The following PDCD11 variants were observed in gnomAD, a reference collection of about 807,000 sequenced individuals.
PDCD11 encodes protein RRP5 homolog.
Under a neutral mutation model 198.9 loss-of-function variants are expected in PDCD11, and 97 were observed. That is an observed-to-expected ratio of 0.49 (90% CI 0.41 to 0.58). The LOEUF (loss-of-function observed/expected upper bound fraction) is 0.58. Ranked by LOEUF, PDCD11 falls within the 20% of genes least tolerant of loss-of-function variation. The pLI is 0.00. For synonymous variants in PDCD11, 893 were observed against 918.0 expected, an observed-to-expected ratio of 0.97 and a Z score of 0.49; for missense variants, 2,102 against 2,312.7, an observed-to-expected ratio of 0.91 and a Z score of 1.87.
chr10:103,397,573 C>G (rs547007442), intron 1 of PDCD11, among the ~76,000 whole-genome samples: 1 of 152,320 alleles, frequency 6.6e-6, no homozygotes, highest in South Asian at 2.1e-4. Context: ...GTAGCTGGGA[C>G]TAGGCGCAGG....
At chr10:103,398,897 C>A (rs1344008662) in intron 2 of PDCD11, among the ~76,000 whole-genome samples, 3 of 152,134 alleles carry the variant, frequency 2.0e-5, no homozygotes, top group African/African-American at 7.2e-5. Context: ...ACCTGTAGTC[C>A]TAGCTACTTG....
intron 7 of PDCD11, 100 bp downstream of exon 7, chr10:103,406,890 C>G: frequency 1.1e-6 from 1 of 923,418 alleles, no homozygotes; most frequent in Non-Finnish European, 1.6e-6. Context: ...AAGGTAGTCA[C>G]TAGTCACTTA....
At chr10:103,431,999 G>A (rs1022556137) in intron 21 of PDCD11, 130 bp from the exon 22 acceptor site, 15 of 539,536 alleles carry the variant, frequency 2.8e-5, no homozygotes, top group Middle Eastern at 4.1e-4. Flanking sequence ...GGAGAGAAAC[G>A]GCCTTGGAGG....
At chr10:103,406,142 T>C (rs1443516334) in intron 6 of PDCD11, 34 bp downstream of exon 6, 1 of 1,608,182 alleles carries the variant, frequency 6.2e-7, no homozygotes, top group East Asian at 2.2e-5. Context: ...TACATGGTGG[T>C]GAGGTGGTAC....
intron 8 of PDCD11, among the ~76,000 whole-genome samples, chr10:103,411,400 CTA>C (rs1477414552): frequency 6.6e-6 from 1 of 152,130 alleles, no homozygotes; most frequent in East Asian, 1.9e-4. Flanking sequence ...AGGTCACACA[CTA>C]TTGCCCAGAG....
intron 28 of PDCD11, 96 bp downstream of exon 28, chr10:103,439,964 A>G: frequency 6.9e-7 from 1 of 1,449,634 alleles, no homozygotes; most frequent in Non-Finnish European, 9.6e-7. Flanking sequence ...CTGTAAACAT[A>G]ATGGCTTGCG....
chr10:103,413,252 C>G lies in PDCD11; in HGVS notation c.1115C>G (p.Pro372Arg). The change falls in exon 9 of 36, where the codon CCT (proline) becomes CGT (arginine). Residue 372 changes from proline to arginine, a missense_variant. Pro to Arg is a moderately radical substitution (Grantham distance 103, BLOSUM62 -2). Coordinates refer to ENST00000369797, the MANE Select transcript of PDCD11 (RefSeq NM_014976.2). ...QNLGAVLDDVPVQGFFKKAGA... is the reference protein window; with the variant it reads ...QNLGAVLDDVRVQGFFKKAGA... ...CTTGGAGCAGTGCTGGATGATGTTC[C>G]TGTCCAGGGTTTTTTCAAAAAGGCT... The G allele has an allele frequency of 6.2e-7, 1 of 1,614,162 alleles. No individual in the cohort carries two copies. The highest frequency in any genetic ancestry group is 8.5e-7 in the Non-Finnish European group (1 of 1,180,008).
rs761577303 is a variant in PDCD11, at chr10:103,398,476, A to G, written c.50A>G (p.His17Arg). Residue 17 changes from histidine to arginine, a missense_variant, in exon 2 of 36, where the codon CAC becomes CGC. Transcript: ENST00000369797. ...SFPRGGTRKI[H>R]KPEKAFQQSV... The stretch of plus-strand genomic sequence containing the variant: ...CCCCGAGGAGGTACAAGAAAGATCC[A>G]CAAACCAGAGAAAGCTTTCCAGCAG... 5 of 1,614,230 alleles carry G rather than the reference A, an allele frequency of 3.1e-6. No homozygotes were observed. Among genetic ancestry groups the G allele is most frequent in the South Asian group, 2.2e-5 (2 of 91,090 alleles).
chr10:103,438,171 C>A, intron 26 of PDCD11, 100 bp downstream of exon 26: 1 of 879,320 alleles, frequency 1.1e-6, no homozygotes, highest in Non-Finnish European at 1.9e-6. Flanking sequence ...TTCCCACCTT[C>A]TCTGCTCATC....
chr10:103,425,019 G>C lies in PDCD11; in HGVS notation c.2799G>C (p.Gln933His). ...GCAGCGAACACCAGGCGATTGTGCAGCACTTGGAGAAGTCCTTTGCCATTG... is the reference window on the plus strand; with the variant it reads ...GCAGCGAACACCAGGCGATTGTGCACCACTTGGAGAAGTCCTTTGCCATTG... ...RKGSEHQAIVQHLEKSFAIAS... is the reference protein window; with the variant it reads ...RKGSEHQAIVHHLEKSFAIAS... The change falls in exon 20 of 36, where the codon CAG (glutamine) becomes CAC (histidine). Residue 933 changes from glutamine to histidine, a missense_variant. Transcript: ENST00000369797. 1 of 1,614,234 alleles carries C rather than the reference G, an allele frequency of 6.2e-7. No individual in the cohort carries two copies. Among genetic ancestry groups the C allele is most frequent in the South Asian group, 1.1e-5 (1 of 91,086 alleles).
intron 8 of PDCD11, among the ~76,000 whole-genome samples, chr10:103,411,105 C>T (rs1485556368): frequency 6.6e-6 from 1 of 151,268 alleles, no homozygotes; most frequent in African/African-American, 2.4e-5. Context: ...TTTTTACAGG[C>T]GAGGTCTCGC....
In PDCD11 at chr10:103,425,062, G is replaced by C; in HGVS notation, c.2842G>C (p.Gly948Arg). 1.2e-6 allele frequency: 2 copies of C among 1,614,206 alleles called. No individual in the cohort carries two copies. The highest frequency in any genetic ancestry group is 1.7e-6 in the Non-Finnish European group (2 of 1,180,038). ...SFAIASLVET[G>R]HLAAFSLTSH... ...TGCCATTGCCTCCTTGGTAGAGACG[G>C]GCCACCTGGCAGCTTTCTCCCTGAC... The change falls in exon 20 of 36, where the codon GGC becomes CGC. Residue 948 changes from glycine to arginine, a missense_variant. Coordinates refer to ENST00000369797, the MANE Select transcript of PDCD11 (RefSeq NM_014976.2).
At chr10:103,425,631 CT>C in intron 20 of PDCD11, 106 bp downstream of exon 20, 2 of 918,178 alleles carry the variant, frequency 2.2e-6, no homozygotes, top group Non-Finnish European at 1.7e-6. Context: ...GTCAGATTCT[CT>C]TTTAGTTAAC....
chr10:103,398,258 T>C (rs1159785765), intron 1 of PDCD11, among the ~76,000 whole-genome samples, 158 bp from the exon 2 acceptor site: 1 of 152,238 alleles, frequency 6.6e-6, no homozygotes, highest in Non-Finnish European at 1.5e-5. Flanking sequence ...AGATGAAGTA[T>C]GGATTATTCC....
chr10:103,398,436 C>T lies in PDCD11; in HGVS notation c.10C>T (p.Leu4=). 1 of 1,613,226 alleles carries T rather than the reference C, an allele frequency of 6.2e-7. No individual in the cohort carries two copies. Among genetic ancestry groups the T allele is most frequent in the Non-Finnish European group, 8.5e-7 (1 of 1,179,142 alleles). Residue 4 remains leucine, a synonymous_variant, in exon 2 of 36, where the codon CTG becomes TTG. Coordinates refer to ENST00000369797, the MANE Select transcript of PDCD11 (RefSeq NM_014976.2). ...TTTAGGAGACCCAAACATGGCAAAC[C>T]TGGAAGAAAGCTTCCCCCGAGGAGG... The part of the protein sequence containing the change: MAN[L]EESFPRGGTR...
chr10:103,424,871 C>A, intron 19 of PDCD11, 113 bp from the exon 20 acceptor site: 1 of 1,235,758 alleles, frequency 8.1e-7, no homozygotes. Flanking sequence ...CCTTGAGTTC[C>A]CTAGCCTTGG....
At chr10:103,436,101 C>T (rs1482989338) in intron 25 of PDCD11, among the ~76,000 whole-genome samples, 1 of 149,928 alleles carries the variant, frequency 6.7e-6, no homozygotes, top group African/African-American at 2.5e-5. Flanking sequence ...AATCTTGGCT[C>T]TTGTTTTGTT....
Position 103,434,955 on chromosome 10 carries a change from C to T in PDCD11, c.3825C>T (p.Phe1275=), listed in dbSNP as rs779262544. The T allele has an allele frequency of 1.5e-5, 23 of 1,575,944 alleles. No homozygotes were observed. Among genetic ancestry groups the T allele is most frequent in the African/African-American group, 6.9e-5 (5 of 72,828 alleles). The part of the protein sequence containing the change: ...DSYSETPLED[F]VPQKVVRCYI... Reference sequence around the variant, plus strand: ...ACTCCGAGACGCCCCTGGAAGACTTCGTCCCCCAGAAGGTTGTCAGGTAAG... The same window carrying T: ...ACTCCGAGACGCCCCTGGAAGACTTTGTCCCCCAGAAGGTTGTCAGGTAAG... The change falls in exon 25 of 36, where the codon TTC becomes TTT. Residue 1275 remains phenylalanine (F), a synonymous_variant. Coordinates refer to ENST00000369797, the MANE Select transcript of PDCD11 (RefSeq NM_014976.2).
intron 9 of PDCD11, 42 bp from the exon 10 acceptor site, chr10:103,413,924 C>G: frequency 1.3e-6 from 2 of 1,566,014 alleles, no homozygotes; most frequent in Non-Finnish European, 1.7e-6. Flanking sequence ...TGGCTCAGAC[C>G]TGTTGTCCCT....
Sources: allele counts gnomAD v4.1 joint callset (sites outside exome capture counted in the v4.1 genomes callset), GRCh38; gene constraint gnomAD v4.1.1; transcripts MANE v1.5; gene names NCBI Gene and HGNC (gene_info 2026-07-23, HGNC 2026-07-21).